Variants in PLSCR2 observed in about 807,000 individuals in gnomAD.
PLSCR2 encodes PL scramblase 2.
A neutral mutation model predicts 25.3 loss-of-function variants in PLSCR2; 18 were observed. That is an observed-to-expected ratio of 0.71 (90% CI 0.49 to 1.06). The LOEUF is 1.06. Among genes scored for constraint, PLSCR2 ranks in the 50% least tolerant of loss-of-function variants. The pLI is 0.00. For synonymous variants in PLSCR2, 88 were observed against 87.3 expected (o/e 1.01, Z -0.04); for missense variants, 243 against 269.5 (o/e 0.90, Z 0.69).
Position 146,468,771 on chromosome 3 carries a change from G to A in PLSCR2, c.-292-8487C>T, listed in dbSNP as rs1473595636. ...AACTAGCTGAATTGAAATTATTCAT[G>A]ATTCATGTCCGTTGCATTTATGTTC... On this transcript the variant is annotated intron_variant, in intron 1 of 8. Transcript: ENST00000336685. Among the ~76,000 whole-genome samples, 3 of 152,128 alleles carry A rather than the reference G, an allele frequency of 2.0e-5. No individual in the cohort carries two copies. In the East Asian group the frequency reaches 5.8e-4, roughly 29 times the overall value.
downstream of PLSCR2, among the ~76,000 whole-genome samples, chr3:146,431,061 A>G (rs989420689): frequency 6.6e-6 from 1 of 152,116 alleles, no homozygotes; most frequent in Non-Finnish European, 1.5e-5. Context: ...GGAGCAGGAA[A>G]AGAAACTTCT....
upstream of PLSCR2, chr3:146,463,896 T>G: frequency 1.0e-6 from 1 of 974,022 alleles, no homozygotes; most frequent in Non-Finnish European, 1.2e-6. Context: ...CATAATATAG[T>G]GAAACTCTTA....
chr3:146,459,796 C>A (rs553219564), intron 2 of PLSCR2, 52 bp downstream of exon 2: 2 of 1,307,168 alleles, frequency 1.5e-6, no homozygotes, highest in Admixed American at 2.0e-5. Context: ...GGTTCATAAA[C>A]CAGAAAGAGA....
chr3:146,446,174 G>T (rs886216040), intron 6 of PLSCR2, among the ~76,000 whole-genome samples: 3 of 152,128 alleles, frequency 2.0e-5, no homozygotes, highest in African/African-American at 7.2e-5. Context: ...TTCATTTGGT[G>T]AGGTCATGTT....
intron 2 of PLSCR2, among the ~76,000 whole-genome samples, chr3:146,422,055 T>C (rs747416943): frequency 5.3e-5 from 8 of 152,094 alleles, no homozygotes; most frequent in African/African-American, 1.4e-4. Context: ...CTCAGAGACA[T>C]ACAAGTGCAC....
intron 1 of PLSCR2, among the ~76,000 whole-genome samples, chr3:146,491,307 T>C (rs546216176): frequency 6.6e-6 from 1 of 152,196 alleles, no homozygotes; most frequent in African/African-American, 2.4e-5. Flanking sequence ...TGCATTGACT[T>C]AGAAAACCTG....
Position 146,409,213 on chromosome 3 carries a change from A to G in PLSCR2, c.101-13292T>C, listed in dbSNP as rs73868804. Among the ~76,000 whole-genome samples the G allele has an allele frequency of 6.3e-3, 957 of 152,176 alleles. 16 individuals are homozygous for G. The highest frequency in any genetic ancestry group is 0.022 in the African/African-American group (910 of 41,516). On this transcript the variant is annotated intron_variant and NMD_transcript_variant, in intron 2 of 3. Coordinates refer to the PLSCR2 transcript ENST00000463633. Reference sequence around the variant, plus strand: ...ACCTGGAGGGACTTGTGCCTCTCTCAGTGGTAGTAGAGGGGCTATTTCCTC... The same window carrying G: ...ACCTGGAGGGACTTGTGCCTCTCTCGGTGGTAGTAGAGGGGCTATTTCCTC...
At chr3:146,423,747 G>A (rs996048134) in intron 2 of PLSCR2, among the ~76,000 whole-genome samples, 1 of 152,100 alleles carries the variant, frequency 6.6e-6, no homozygotes, top group Admixed American at 6.6e-5. Context: ...ATTGAAGTCA[G>A]AGAATGGAGA....
chr3:146,417,231 A>G (rs2039027032), intron 2 of PLSCR2, among the ~76,000 whole-genome samples: 1 of 152,186 alleles, frequency 6.6e-6, no homozygotes, highest in Admixed American at 6.5e-5. Context: ...AAAATTTAAG[A>G]GGAGGATTCT....
chr3:146,484,834 A>G (rs1195550733), intron 1 of PLSCR2, among the ~76,000 whole-genome samples: 1 of 152,166 alleles, frequency 6.6e-6, no homozygotes, highest in East Asian at 1.9e-4. Flanking sequence ...TACTGCAAAG[A>G]CACACCAAAA....
chr3:146,489,258 C>A (rs1018391573), intron 1 of PLSCR2, among the ~76,000 whole-genome samples: 1 of 152,070 alleles, frequency 6.6e-6, no homozygotes. Flanking sequence ...AGCAAACCAC[C>A]ATGGCACACA....
intron 1 of PLSCR2, among the ~76,000 whole-genome samples, chr3:146,468,815 A>C (rs2041980628): frequency 6.6e-6 from 1 of 152,208 alleles, no homozygotes; most frequent in South Asian, 2.1e-4. Context: ...TTGAAAAACA[A>C]ACAAAAAATC....
intron 1 of PLSCR2, among the ~76,000 whole-genome samples, chr3:146,492,729 T>G (rs1168267587): frequency 1.3e-5 from 2 of 151,340 alleles, no homozygotes; most frequent in Non-Finnish European, 2.9e-5. Flanking sequence ...ACATCACACC[T>G]GGAGGAATTT....
intron 1 of PLSCR2, among the ~76,000 whole-genome samples, chr3:146,489,878 T>G (rs957175706): frequency 2.6e-5 from 4 of 152,062 alleles, no homozygotes; most frequent in Non-Finnish European, 4.4e-5. Flanking sequence ...GGGAGTATAA[T>G]ATGAACATGC....
chr3:146,409,925 C>T (rs995606505), intron 2 of PLSCR2, among the ~76,000 whole-genome samples: 5 of 152,016 alleles, frequency 3.3e-5, no homozygotes, highest in African/African-American at 1.2e-4. Context: ...TACCACTTAC[C>T]ACATTACTGT....
chr3:146,484,650 A>G (rs1351276724), intron 1 of PLSCR2, among the ~76,000 whole-genome samples: 1 of 152,174 alleles, frequency 6.6e-6, no homozygotes. Flanking sequence ...ATTCTTAAAG[A>G]AAAGAATTTC....
chr3:146,404,721 A>G (rs1433754620), intron 2 of PLSCR2, among the ~76,000 whole-genome samples: 1 of 149,810 alleles, frequency 6.7e-6, no homozygotes, highest in Admixed American at 6.7e-5. Flanking sequence ...TCCAGCTACT[A>G]CCCTATGAAA....
chr3:146,443,428 C>A (rs2040365296), intron 6 of PLSCR2, among the ~76,000 whole-genome samples: 1 of 151,586 alleles, frequency 6.6e-6, no homozygotes, highest in African/African-American at 2.4e-5. Flanking sequence ...TTTATTATGG[C>A]TTTGATCTTA....
chr3:146,404,830 G>A (rs1274208827), intron 2 of PLSCR2, among the ~76,000 whole-genome samples: 1 of 150,010 alleles, frequency 6.7e-6, no homozygotes, highest in Non-Finnish European at 1.5e-5. Flanking sequence ...AAGGGGGGGG[G>A]TGGTGGTTAA....
Sources: allele counts gnomAD v4.1 joint callset (sites outside exome capture counted in the v4.1 genomes callset), GRCh38; gene constraint gnomAD v4.1.1; transcripts MANE v1.5; gene names NCBI Gene and HGNC (gene_info 2026-07-23, HGNC 2026-07-21).